CLDN18: variants seen among roughly 807,000 people sequenced by gnomAD.
CLDN18 encodes claudin 18, also known as claudin-18.
In CLDN18, 20 loss-of-function variants were observed where a neutral mutation model predicts 25.0. That is an observed-to-expected ratio of 0.80 (90% CI 0.56 to 1.16). The LOEUF (loss-of-function observed/expected upper bound fraction) is 1.16, where lower values mean the gene tolerates loss of function less well. Among genes scored for constraint, CLDN18 ranks in the 50% most tolerant of loss-of-function variants. The pLI, the probability that CLDN18 is intolerant of heterozygous loss-of-function variation, is 0.00. For synonymous variants in CLDN18, 125 were observed against 135.6 expected (o/e 0.92, Z 0.54); for missense variants, 297 against 345.4 (o/e 0.86, Z 1.11).
At chr3:138,004,850 TTC>T (rs1165210303) in intron 1 of CLDN18, 2 of 151,820 alleles carry the variant, frequency 1.3e-5, no homozygotes, top group African/African-American at 4.8e-5. Flanking sequence ...ATGGAAATTA[TTC>T]TCTAAGCATA....
intron 1 of CLDN18, among the ~76,000 whole-genome samples, chr3:138,018,597 A>G (rs1942237394): frequency 6.6e-6 from 1 of 151,824 alleles, no homozygotes; most frequent in Non-Finnish European, 1.5e-5. Flanking sequence ...CGGCCTCCCA[A>G]AGTGCTGGGA....
chr3:138,007,213 A>C (rs1235462888), upstream of CLDN18, among the ~76,000 whole-genome samples: 1 of 152,230 alleles, frequency 6.6e-6, no homozygotes. Context: ...ACCCAAAGGA[A>C]TATAAACCAT....
intron 1 of CLDN18, among the ~76,000 whole-genome samples, chr3:138,016,929 G>A (rs1343796110): frequency 6.6e-5 from 10 of 152,020 alleles, no homozygotes; most frequent in African/African-American, 2.4e-4. Flanking sequence ...GGTGGCATGC[G>A]CCTCTAGTCC....
upstream of CLDN18, among the ~76,000 whole-genome samples, chr3:138,005,834 G>A (rs188336605): frequency 6.2e-4 from 94 of 152,240 alleles, no homozygotes; most frequent in African/African-American, 2.1e-3. Context: ...CAGAAATGCT[G>A]ACAAAGAGTT....
intron 1 of CLDN18, among the ~76,000 whole-genome samples, chr3:138,014,961 C>T (rs1942186890): frequency 6.6e-6 from 1 of 152,012 alleles, no homozygotes; most frequent in Admixed American, 6.6e-5. Flanking sequence ...GATCCCATCT[C>T]TACAGTAACA....
Position 138,010,495 on chromosome 3 carries a change from G to A in CLDN18, c.220+50G>A, listed in dbSNP as rs757910641. The stretch of plus-strand genomic sequence containing the variant: ...GAGCCAGGTGAACCAGGTGAGCAGG[G>A]AAGGGGGCGTTTGCGTTAAGCCCCA... On this transcript the variant is annotated intron_variant, in intron 1 of 4. Coordinates refer to ENST00000183605, the MANE Select transcript of CLDN18 (RefSeq NM_016369.4). The A allele has an allele frequency of 4.4e-6, 7 of 1,606,300 alleles. No individual in the cohort carries two copies. The South Asian group carries it at 5.5e-5, about 13-fold the overall frequency.
intron 3 of CLDN18, among the ~76,000 whole-genome samples, chr3:138,028,796 G>GC (rs753575839): frequency 6.6e-6 from 1 of 152,108 alleles, no homozygotes; most frequent in African/African-American, 2.4e-5. Flanking sequence ...ATTGGAGGCA[G>GC]CCCCCCTAGG....
At chr3:138,008,217 TG>T (rs1383408441), upstream of CLDN18, among the ~76,000 whole-genome samples, 50 of 45,558 alleles carry the variant, frequency 1.1e-3, no homozygotes, top group Non-Finnish European at 1.4e-3. Flanking sequence ...AGTATGTATG[TG>T]GGGGGGGAGT....
At chr3:138,030,008 A>G in intron 4 of CLDN18, 101 bp downstream of exon 4, 1 of 726,570 alleles carries the variant, frequency 1.4e-6, no homozygotes, top group Non-Finnish European at 2.4e-6. Context: ...AGGTATATGG[A>G]TGAACTTTAT....
intron 3 of CLDN18, among the ~76,000 whole-genome samples, chr3:138,026,201 C>A (rs1446151332): frequency 1.3e-5 from 2 of 152,216 alleles, no homozygotes; most frequent in Admixed American, 6.5e-5. Flanking sequence ...TGTTCCCCGA[C>A]TCTGTTATTG....
chr3:137,999,706 A>G (rs138547729), intron 1 of CLDN18, among the ~76,000 whole-genome samples: 2 of 152,286 alleles, frequency 1.3e-5, no homozygotes, highest in African/African-American at 4.8e-5. Context: ...TGCACAGGGG[A>G]TTCTGCTGTG....
intron 1 of CLDN18, among the ~76,000 whole-genome samples, chr3:138,022,591 A>G (rs1263581440): frequency 1.3e-5 from 2 of 152,212 alleles, no homozygotes; most frequent in Admixed American, 6.5e-5. Flanking sequence ...ACTTAAGAGG[A>G]AAAAAGGGGA....
In CLDN18 at chr3:138,029,796, G is replaced by T; in HGVS notation, c.504-1G>T. 6.4e-7 allele frequency: 1 copy of T among 1,551,756 alleles called. No individual in the cohort carries two copies. The highest frequency in any genetic ancestry group is 8.7e-7 in the Non-Finnish European group (1 of 1,147,984). On this transcript the variant is annotated splice_acceptor_variant, in intron 3 of 4. Coordinates refer to ENST00000183605, the MANE Select transcript of CLDN18 (RefSeq NM_016369.4). LOFTEE classifies it high-confidence loss of function. The stretch of plus-strand genomic sequence containing the variant: ...TTGACAGCCACCATCTCCCTACCCA[G>T]GTACACATTTGGTGCGGCTCTGTTC...
In CLDN18 at chr3:138,010,315, G is replaced by A; in HGVS notation, c.90G>A (p.Trp30Ter). Residue 30 changes from tryptophan to a stop codon, truncating the protein, a stop_gained, in exon 1 of 5, where the codon TGG becomes TGA. Coordinates refer to ENST00000183605, the MANE Select transcript of CLDN18 (RefSeq NM_016369.4). LOFTEE classifies it high-confidence loss of function. ...GCIAATGMDMWSTQDLYDNPV... is the reference protein window; with the variant it reads ...GCIAATGMDM The stretch of plus-strand genomic sequence containing the variant: ...TCGCGGCCACCGGGATGGACATGTG[G>A]AGCACCCAGGACCTGTACGACAACC... The A allele has an allele frequency of 6.2e-7, 1 of 1,614,184 alleles. No individual in the cohort carries two copies. The highest frequency in any genetic ancestry group is 8.5e-7 in the Non-Finnish European group (1 of 1,180,016).
intron 1 of CLDN18, among the ~76,000 whole-genome samples, chr3:138,020,621 G>A (rs1388091541): frequency 6.6e-6 from 1 of 152,234 alleles, no homozygotes; most frequent in Non-Finnish European, 1.5e-5. Context: ...TGTTGTAGGA[G>A]AGGGAAATCT....
At position 138,029,859 on chromosome 3, in the gene CLDN18, G is replaced by C; in HGVS notation, c.566G>C (p.Gly189Ala). 6.3e-7 allele frequency: 1 copy of C among 1,598,894 alleles called. No homozygotes were observed. Residue 189 changes from glycine to alanine, a missense_variant, in exon 4 of 5, where the codon GGT becomes GCT. Coordinates refer to ENST00000183605, the MANE Select transcript of CLDN18 (RefSeq NM_016369.4). ...WVAGGLTLIG[G>A]VMMCIACRGL... ...GCTGGAGGCCTCACACTAATTGGGG[G>C]TGTGATGATGTGCATCGCCTGCCGG... is the stretch of plus-strand genomic sequence containing the variant.
At chr3:138,005,463 C>G (rs912193371), upstream of CLDN18, among the ~76,000 whole-genome samples, 7 of 152,026 alleles carry the variant, frequency 4.6e-5, no homozygotes, top group African/African-American at 1.7e-4. Context: ...TGTTCAACTC[C>G]CACTTACGAG....
intron 1 of CLDN18, among the ~76,000 whole-genome samples, chr3:138,000,152 G>C (rs138952981): frequency 2.0e-5 from 3 of 152,084 alleles, no homozygotes; most frequent in East Asian, 3.9e-4. Flanking sequence ...ACTTATTTAC[G>C]GAGAGCTTCC....
chr3:138,002,468 C>G (rs2107873894), intron 1 of CLDN18, among the ~76,000 whole-genome samples: 1 of 152,304 alleles, frequency 6.6e-6, no homozygotes, highest in Non-Finnish European at 1.5e-5. Flanking sequence ...GTTTAATCTA[C>G]ATGACTCTGT....
Sources: allele counts gnomAD v4.1 joint callset (sites outside exome capture counted in the v4.1 genomes callset), GRCh38; gene constraint gnomAD v4.1.1; transcripts MANE v1.5; gene names NCBI Gene and HGNC (gene_info 2026-07-23, HGNC 2026-07-21).